CRIM1: variants seen among roughly 807,000 people sequenced by gnomAD.
CRIM1 encodes cysteine-rich motor neuron 1 protein.
CRIM1 carries 32 observed loss-of-function variants against 116.4 expected under a neutral mutation model. That is an observed-to-expected ratio of 0.27 (90% CI 0.21 to 0.37). The LOEUF is 0.37. CRIM1 is among the 10% of genes least tolerant of loss of function. CRIM1 has a pLI of 1.00. For synonymous variants in CRIM1, 590 were observed against 509.2 expected, an observed-to-expected ratio of 1.16 and a Z score of -2.13; for missense variants, 1,331 against 1,354.8, an observed-to-expected ratio of 0.98 and a Z score of 0.28.
chr2:36,424,834 A>G (rs1674331289), intron 2 of CRIM1, among the ~76,000 whole-genome samples: 2 of 152,124 alleles, frequency 1.3e-5, no homozygotes, highest in African/African-American at 4.8e-5. Flanking sequence ...AATTGTATGC[A>G]TGTATTAAAT....
intron 2 of CRIM1, among the ~76,000 whole-genome samples, chr2:36,409,104 T>C (rs1673025982): frequency 6.6e-6 from 1 of 152,006 alleles, no homozygotes; most frequent in Non-Finnish European, 1.5e-5. Context: ...ATGCATACCA[T>C]CATACGTAAA....
chr2:36,365,780 C>T (rs1669552838), intron 1 of CRIM1, among the ~76,000 whole-genome samples: 1 of 146,754 alleles, frequency 6.8e-6, no homozygotes, highest in South Asian at 2.1e-4. Context: ...TGTTGCCAGG[C>T]TGAAGTGCAG....
chr2:36,370,282 G>C (rs1407347070), intron 1 of CRIM1, among the ~76,000 whole-genome samples: 2 of 150,770 alleles, frequency 1.3e-5, no homozygotes, highest in Non-Finnish European at 2.9e-5. Context: ...ACAGCAGAAA[G>C]AAGCAGCAGA....
intron 2 of CRIM1, among the ~76,000 whole-genome samples, chr2:36,410,315 C>CA (rs1165581889): frequency 6.6e-6 from 1 of 152,010 alleles, no homozygotes; most frequent in African/African-American, 2.4e-5. Context: ...TTATCCTTAT[C>CA]AGTAGCCTTT....
rs7564421 is a variant in CRIM1 at position 36,383,650 on chromosome 2, A to T, written c.332-12964A>T. ...AGCAGTTTCTGCTCTCAAGAAGCTC[A>T]GCAATGCCTTAGGATAAGGGAAGTG... On this transcript the variant is annotated intron_variant, in intron 1 of 16. Transcript: ENST00000280527. 2.6e-3 allele frequency among the ~76,000 whole-genome samples: 392 copies of T among 152,324 alleles called. 2 individuals carry two copies. Among genetic ancestry groups the T allele is most frequent in the African/African-American group, 9.2e-3 (383 of 41,574 alleles).
chr2:36,492,465 A>G (rs538977006), intron 7 of CRIM1, among the ~76,000 whole-genome samples: 1 of 152,138 alleles, frequency 6.6e-6, no homozygotes, highest in Admixed American at 6.5e-5. Flanking sequence ...GAATTTTTGT[A>G]TCTTCAATTT....
At chr2:36,378,998 G>A (rs1670531071) in intron 1 of CRIM1, 1 of 152,130 alleles carries the variant, frequency 6.6e-6, no homozygotes. Context: ...AGCAACAGTA[G>A]TAAAAATCCT....
chr2:36,420,332 C>T (rs1206285838), intron 2 of CRIM1, among the ~76,000 whole-genome samples: 2 of 152,082 alleles, frequency 1.3e-5, no homozygotes, highest in African/African-American at 2.4e-5. Flanking sequence ...CCCAAGAATC[C>T]CATGAAGTAA....
chr2:36,501,402 G>A (rs772999994), intron 8 of CRIM1, among the ~76,000 whole-genome samples: 8 of 152,178 alleles, frequency 5.3e-5, no homozygotes, highest in South Asian at 4.1e-4. Flanking sequence ...CTACAGTGGC[G>A]TTAGTGCTAA....
chr2:36,371,972 A>T (rs931839801), intron 1 of CRIM1, among the ~76,000 whole-genome samples: 1 of 152,210 alleles, frequency 6.6e-6, no homozygotes, highest in Admixed American at 6.5e-5. Flanking sequence ...CTAATCCAGG[A>T]TTGTGTCTTA....
chr2:36,523,133 T>A (rs1483259498), intron 13 of CRIM1, among the ~76,000 whole-genome samples: 1 of 152,016 alleles, frequency 6.6e-6, no homozygotes, highest in Admixed American at 6.6e-5. Context: ...TTTTGTATTT[T>A]AGTAGAGATG....
intron 8 of CRIM1, among the ~76,000 whole-genome samples, chr2:36,507,506 G>C (rs1394855388): frequency 6.6e-6 from 1 of 152,170 alleles, no homozygotes; most frequent in Non-Finnish European, 1.5e-5. Flanking sequence ...TGTGCCTAAA[G>C]ATACTAGGGC....
chr2:36,513,475 T>G, intron 10 of CRIM1, 81 bp from the exon 11 acceptor site: 1 of 1,095,518 alleles, frequency 9.1e-7, no homozygotes, highest in Non-Finnish European at 1.4e-6. Flanking sequence ...GTGGCTGGGG[T>G]CCAGTCCATG....
At chr2:36,442,426 T>G (rs566709631) in intron 3 of CRIM1, among the ~76,000 whole-genome samples, 189 bp from the exon 4 acceptor site, 1 of 152,284 alleles carries the variant, frequency 6.6e-6, no homozygotes, top group South Asian at 2.1e-4. Context: ...CCCACCTCTT[T>G]CCTTACACAG....
At chr2:36,546,762 G>GTTTTTTTTTTT (rs1558425996) in intron 15 of CRIM1, among the ~76,000 whole-genome samples, 1 of 109,474 alleles carries the variant, frequency 9.1e-6, no homozygotes, top group African/African-American at 3.7e-5. Context: ...TTCTCACTCT[G>GTTTTTTTTTTT]ATTTTTTTTT....
At chr2:36,416,747 CCAGAAACCAAAGA>C (rs1340444137) in intron 2 of CRIM1, among the ~76,000 whole-genome samples, 2 of 152,194 alleles carry the variant, frequency 1.3e-5, no homozygotes, top group Non-Finnish European at 2.9e-5. Context: ...CACAGTTCCT[CCAGAAACCAAAGA>C]CAGAAATTAT....
chr2:36,519,225 A>C (rs1665221135), intron 12 of CRIM1, among the ~76,000 whole-genome samples: 1 of 152,178 alleles, frequency 6.6e-6, no homozygotes, highest in Non-Finnish European at 1.5e-5. Flanking sequence ...TCCACCCATA[A>C]AGAGAAGGAG....
At chr2:36,409,064 T>C (rs950786549) in intron 2 of CRIM1, among the ~76,000 whole-genome samples, 1 of 149,824 alleles carries the variant, frequency 6.7e-6, no homozygotes, top group African/African-American at 2.5e-5. Flanking sequence ...AAAAAGAAAA[T>C]AATTTGCTAA....
At position 36,462,526 on chromosome 2, in the gene CRIM1, G is replaced by A. The variant is rs138196875; in HGVS notation, c.870-2008G>A. On this transcript the variant is annotated intron_variant, in intron 4 of 16. Coordinates refer to ENST00000280527, the MANE Select transcript of CRIM1 (RefSeq NM_016441.3). ...CGTGTTCAGTAAAGGTTGTTCAAGT[G>A]TTGAAGGACAACATCTGAAGAGGTA... Among the ~76,000 whole-genome samples the A allele has an allele frequency of 1.3e-3, 194 of 152,336 alleles. 1 individual carries two copies. Among genetic ancestry groups the A allele is most frequent in the Non-Finnish European group, 2.1e-3 (140 of 68,024 alleles).
Sources: gnomAD v4.1 joint callset for allele counts (sites outside exome capture counted in the v4.1 genomes callset) on GRCh38, gnomAD v4.1.1 for gene constraint, MANE v1.5 for transcripts, NCBI Gene and HGNC (gene_info 2026-07-23, HGNC 2026-07-21) for gene names.